The following SHLD1 variants were observed in gnomAD, a reference collection of about 807,000 sequenced individuals.
SHLD1 encodes shieldin complex subunit 1.
In SHLD1, 3 loss-of-function variants were observed where a neutral mutation model predicts 5.5. The ratio of observed to expected loss-of-function variants is 0.54; its 90% CI spans 0.25 to 1.40. The LOEUF (loss-of-function observed/expected upper bound fraction) is 1.40. Ranked by LOEUF, SHLD1 falls within the 40% of genes most tolerant of loss-of-function variation. The pLI is 0.15. For missense variants in SHLD1, 210 were observed against 244.4 expected, an observed-to-expected ratio of 0.86 and a Z score of 0.94; for synonymous variants, 92 against 94.3, an observed-to-expected ratio of 0.98 and a Z score of 0.14.
Position 5,863,739 on chromosome 20 carries a change from G to A in SHLD1, c.*276G>A. The A allele has an allele frequency of 2.5e-6, 1 of 397,274 alleles. No homozygotes were observed. The highest frequency in any genetic ancestry group is 4.5e-6 in the Non-Finnish European group (1 of 222,896). 24.6% of individuals were successfully genotyped at this position (397,274 alleles called of 1,614,324 possible). A position where few individuals can be genotyped will look rare whatever the true frequency, so the allele number is the denominator to read the frequency against. On this transcript the variant is annotated 3_prime_UTR_variant, in exon 3 of 3. Coordinates refer to ENST00000303142, the MANE Select transcript of SHLD1 (RefSeq NM_152504.4). ...AGCCCAGCTCCCTTGCCTCAAGGAA[G>A]GACATTCTCTGAGGAGTAATTTATG... is the stretch of plus-strand genomic sequence containing the variant.
intron 2 of SHLD1, among the ~76,000 whole-genome samples, chr20:5,816,257 A>G (rs979548572): frequency 6.6e-6 from 1 of 152,296 alleles, no homozygotes; most frequent in Non-Finnish European, 1.5e-5. Flanking sequence ...TGTAGTTCCA[A>G]AAAGACACAT....
intron 1 of SHLD1, among the ~76,000 whole-genome samples, chr20:5,758,298 CAGAGA>C (rs1984240948): frequency 8.9e-6 from 1 of 111,778 alleles, no homozygotes; most frequent in Non-Finnish European, 1.6e-5. Flanking sequence ...ATTAATGTCT[CAGAGA>C]AGGAAAGGGA....
At chr20:5,784,568 A>G (rs926788107) in intron 2 of SHLD1, among the ~76,000 whole-genome samples, 16 of 151,892 alleles carry the variant, frequency 1.1e-4, no homozygotes, top group Non-Finnish European at 2.4e-4. Flanking sequence ...CTCCTGCCTC[A>G]GCCTCCCGAG....
chr20:5,825,768 GTGCTAT>G (rs1488547845), intron 2 of SHLD1, among the ~76,000 whole-genome samples: 1 of 152,336 alleles, frequency 6.6e-6, no homozygotes, highest in African/African-American at 2.4e-5. Context: ...AGGGTGTGCT[GTGCTAT>G]TGTTACATTT....
intron 2 of SHLD1, among the ~76,000 whole-genome samples, chr20:5,846,453 T>C (rs2087933867): frequency 2.6e-5 from 4 of 152,250 alleles, no homozygotes; most frequent in Non-Finnish European, 1.5e-5. Context: ...AAAATAGCAA[T>C]GTTGCCATAG....
chr20:5,809,509 T>C (rs1055532381), intron 2 of SHLD1, among the ~76,000 whole-genome samples: 1 of 152,034 alleles, frequency 6.6e-6, no homozygotes, highest in African/African-American at 2.4e-5. Context: ...TTATTGTCAC[T>C]CTGCCACCAA....
intron 2 of SHLD1, among the ~76,000 whole-genome samples, chr20:5,852,712 A>T (rs2088027827): frequency 6.6e-6 from 1 of 152,156 alleles, no homozygotes; most frequent in Non-Finnish European, 1.5e-5. Context: ...AGCCTCCCAA[A>T]GTGCTGGGAT....
chr20:5,863,115 A>G lies in SHLD1; in HGVS notation c.270A>G (p.Glu90=), dbSNP rs201976741. The G allele has an allele frequency of 4.0e-4, 648 of 1,614,208 alleles. 8 individuals are homozygous for G. The South Asian group carries it at 6.9e-3, about 17-fold the overall frequency. ...DPAVKGQSEK[E]EDDGLRKSLD... ...CTGTGAAAGGCCAGTCAGAGAAGGAAGAGGATGATGGCCTTCGGAAATCCC... is the reference window on the plus strand; with the variant it reads ...CTGTGAAAGGCCAGTCAGAGAAGGAGGAGGATGATGGCCTTCGGAAATCCC... The change falls in exon 3 of 3, where the codon GAA becomes GAG. Residue 90 remains glutamate (E), a synonymous_variant. Coordinates refer to ENST00000303142, the MANE Select transcript of SHLD1 (RefSeq NM_152504.4).
At position 5,750,415 on chromosome 20, in the gene SHLD1, T is replaced by A. The variant is rs1168967490; in HGVS notation, c.-69T>A. On this transcript the variant is annotated 5_prime_UTR_variant, in exon 1 of 3. An upstream start codon of the reference 5' UTR is lost. Transcript: ENST00000303142. ...ATTGCTTCCGCGTTCCGGTTGCGGA[T>A]GGTGAGTGTGTCGGGGGGCTTGGCG... 2.1e-5 allele frequency: 3 copies of A among 144,668 alleles called. No individual in the cohort carries two copies. The allele number at this position is 144,668 out of a possible 1,614,324, so 9.0% of individuals were successfully genotyped here. A position where few individuals can be genotyped will look rare whatever the true frequency, so the allele number is the denominator to read the frequency against.
At chr20:5,811,158 C>T (rs374926745) in intron 2 of SHLD1, among the ~76,000 whole-genome samples, 85 of 152,268 alleles carry the variant, frequency 5.6e-4, no homozygotes, top group African/African-American at 2.0e-3. Flanking sequence ...CAGGAAAAGG[C>T]TTATTCTCTC....
chr20:5,761,869 A>G (rs1984486535), intron 1 of SHLD1, among the ~76,000 whole-genome samples: 1 of 151,978 alleles, frequency 6.6e-6, no homozygotes, highest in African/African-American at 2.4e-5. Flanking sequence ...CGGCCTACCA[A>G]AGTGCTGAGA....
At chr20:5,777,222 C>G (rs1031602881) in intron 2 of SHLD1, among the ~76,000 whole-genome samples, 15 of 152,164 alleles carry the variant, frequency 9.9e-5, no homozygotes, top group Non-Finnish European at 2.1e-4. Flanking sequence ...CTCCTGACCT[C>G]AAGTGATCCA....
At position 5,806,774 on chromosome 20, in the gene SHLD1, T is replaced by A. The variant is rs961846103; in HGVS notation, c.178+33731T>A. 6.6e-6 allele frequency among the ~76,000 whole-genome samples: 1 copy of A among 152,206 alleles called. No homozygotes were observed. The highest frequency in any genetic ancestry group is 2.4e-5 in the African/African-American group (1 of 41,452). ...CAGTTAAGATACCAACATTTCTTAT[T>A]TACATCCTGTGTTGTTGTTTCTCCG... On this transcript the variant is annotated intron_variant, in intron 2 of 2. Transcript: ENST00000303142. This position sits in a 1 kb window ranked among gnomAD's most constrained non-coding sequence, Gnocchi z 7.6.
chr20:5,777,881 AG>A (rs1017119201), intron 2 of SHLD1, among the ~76,000 whole-genome samples: 2 of 152,202 alleles, frequency 1.3e-5, no homozygotes, highest in African/African-American at 4.8e-5. Flanking sequence ...GAGAGGTGGA[AG>A]GAGTTTTAGG....
intron 1 of SHLD1, among the ~76,000 whole-genome samples, chr20:5,770,785 T>C (rs1304160110): frequency 6.6e-6 from 1 of 152,230 alleles, no homozygotes; most frequent in Non-Finnish European, 1.5e-5. Context: ...GTATGTGGCC[T>C]TGAGAAAATG....
intron 2 of SHLD1, among the ~76,000 whole-genome samples, chr20:5,798,339 G>A (rs2087240858): frequency 6.6e-6 from 1 of 150,690 alleles, no homozygotes. Context: ...AAGTCTTTCT[G>A]TCACCCAGGC....
intron 2 of SHLD1, among the ~76,000 whole-genome samples, chr20:5,801,729 CAA>C (rs1170147857): frequency 6.6e-6 from 1 of 152,096 alleles, no homozygotes; most frequent in African/African-American, 2.4e-5. Flanking sequence ...GGACCCTGTA[CAA>C]AAGACAGAGT....
chr20:5,808,853 A>C (rs563216999), intron 2 of SHLD1, among the ~76,000 whole-genome samples: 1 of 152,388 alleles, frequency 6.6e-6, no homozygotes, highest in South Asian at 2.1e-4. Flanking sequence ...TTATTTGCAC[A>C]AGAAACATTC....
chr20:5,793,932 A>G (rs907566207), intron 2 of SHLD1, among the ~76,000 whole-genome samples: 3 of 150,926 alleles, frequency 2.0e-5, no homozygotes, highest in Non-Finnish European at 3.0e-5. Context: ...CTGGTCTTGA[A>G]CTCCTGACTT....
Sources: gnomAD v4.1 joint callset for allele counts (sites outside exome capture counted in the v4.1 genomes callset) on GRCh38, gnomAD v4.1.1 for gene constraint, Gnocchi (gnomAD v3.1) non-coding constraint, MANE v1.5 for transcripts, NCBI Gene and HGNC (gene_info 2026-07-23, HGNC 2026-07-21) for gene names.